Variants in ATXN1 observed in about 807,000 individuals in gnomAD.
The protein encoded by ATXN1 is ataxin 1.
ATXN1 carries 8 observed loss-of-function variants against 56.4 expected under a neutral mutation model. The observed-to-expected ratio is 0.14, with a 90% CI of 0.08 to 0.26. The LOEUF is 0.26. ATXN1 is among the 10% of genes least tolerant of loss of function. The pLI, the probability that ATXN1 is intolerant of heterozygous loss-of-function variation, is 1.00. For synonymous variants in ATXN1, 514 were observed against 494.6 expected (o/e 1.04, Z -0.52); for missense variants, 987 against 1,106.5 (o/e 0.89, Z 1.53).
chr6:16,492,211 G>A (rs1402222623), intron 5 of ATXN1, among the ~76,000 whole-genome samples: 2 of 151,826 alleles, frequency 1.3e-5, no homozygotes, highest in African/African-American at 2.4e-5. Context: ...TGTTATAGGT[G>A]GGAATTGAAC....
At chr6:16,316,865 CTTTTTTTTTTTTTT>C (rs375359789) in intron 7 of ATXN1, among the ~76,000 whole-genome samples, 10 of 99,500 alleles carry the variant, frequency 1.0e-4, no homozygotes, top group Non-Finnish European at 1.8e-4. Flanking sequence ...GACTGCCTGT[CTTTTTTTTTTTTTT>C]TTTTTTTTTT....
chr6:16,433,796 C>T (rs918637677), intron 6 of ATXN1, among the ~76,000 whole-genome samples: 3 of 152,228 alleles, frequency 2.0e-5, no homozygotes, highest in African/African-American at 7.2e-5. Flanking sequence ...AGTCTGCAGA[C>T]CTGGGTCTCA....
At chr6:16,429,424 CGT>C (rs1491324301) in intron 6 of ATXN1, among the ~76,000 whole-genome samples, 68 of 95,408 alleles carry the variant, frequency 7.1e-4, no homozygotes, top group African/African-American at 2.6e-3. Flanking sequence ...ATTTTTTGTT[CGT>C]TTTTTTTTTT....
intron 3 of ATXN1, among the ~76,000 whole-genome samples, chr6:16,619,320 A>T (rs1401045178): frequency 6.6e-6 from 1 of 152,216 alleles, no homozygotes; most frequent in Non-Finnish European, 1.5e-5. Flanking sequence ...GATGTTGAAA[A>T]AAGATATATA....
At chr6:16,704,897 C>A (rs369957077) in intron 2 of ATXN1, among the ~76,000 whole-genome samples, 2 of 152,192 alleles carry the variant, frequency 1.3e-5, no homozygotes, top group Non-Finnish European at 2.9e-5. Flanking sequence ...AAGCACTCAG[C>A]GAGGGGGAGG....
Position 16,301,142 on chromosome 6 carries a change from T to TCAAA in ATXN1, c.*5183_*5186dup, listed in dbSNP as rs995211523. ...CATTGTTTCAACAGAGCCATATCTT[T>TCAAA]CAAACACTGAATGAATCATTTCGAC... On this transcript the variant is annotated 3_prime_UTR_variant, in exon 8 of 8. Transcript: ENST00000436367. The TCAAA allele has an allele frequency of 1.0e-4, 16 of 152,498 alleles. No individual in the cohort carries two copies. The highest frequency in any genetic ancestry group is 6.5e-4 in the Admixed American group (10 of 15,274). 9.4% of individuals were successfully genotyped at this position (152,498 alleles called of 1,614,324 possible).
At position 16,643,647 on chromosome 6, in the gene ATXN1, A is replaced by G. The variant is rs532190310; in HGVS notation, c.-489+14129T>C. On this transcript the variant is annotated intron_variant, in intron 3 of 7. Transcript: ENST00000436367. ...CCTGCCAAAAAAAAAAAAAAAAAAA[A>G]AGAGAAGAGAAGAACGCAGGACTAT... 6.5e-3 allele frequency among the ~76,000 whole-genome samples: 987 copies of G among 151,336 alleles called. 10 individuals carry two copies. The highest frequency in any genetic ancestry group is 0.021 in the African/African-American group (883 of 41,120).
At position 16,328,508 on chromosome 6, in the gene ATXN1, A is replaced by G; in HGVS notation, c.-160-38T>C. 1 of 1,002,394 alleles carries G rather than the reference A, an allele frequency of 1.0e-6. No homozygotes were observed. Among genetic ancestry groups the G allele is most frequent in the Non-Finnish European group, 1.3e-6 (1 of 759,716 alleles). 62.1% of individuals were successfully genotyped at this position (1,002,394 alleles called of 1,614,324 possible). A position where few individuals can be genotyped will look rare whatever the true frequency, so the allele number is the denominator to read the frequency against. On this transcript the variant is annotated intron_variant, in intron 6 of 7. Coordinates refer to ENST00000436367, the MANE Select transcript of ATXN1 (RefSeq NM_001128164.2). The surrounding 1 kb of genome is among the most constrained non-coding windows in gnomAD (Gnocchi z 6.2). ...AGAGGGCAGTGACAAAGGGAAAAGG[A>G]AAGGGAGGAGAAAGGGAAGGAGGGA...
intron 6 of ATXN1, among the ~76,000 whole-genome samples, chr6:16,363,013 T>C (rs1761844426): frequency 1.3e-5 from 2 of 152,214 alleles, no homozygotes; most frequent in Admixed American, 6.5e-5. Flanking sequence ...CGATATAATC[T>C]ATATGTATGC....
rs1761902639 is a variant in ATXN1 at position 16,550,598 on chromosome 6, A to G, written c.-360-27910T>C. On this transcript the variant is annotated intron_variant, in intron 4 of 7. Coordinates refer to ENST00000436367, the MANE Select transcript of ATXN1 (RefSeq NM_001128164.2). ...TATAATTACTTAACAACCCTAATAA[A>G]TAGTAACATAATTATTCCCAATTTA... 2.0e-5 allele frequency among the ~76,000 whole-genome samples: 3 copies of G among 152,240 alleles called. No individual in the cohort carries two copies. In the South Asian group the frequency reaches 6.2e-4, roughly 32 times the overall value.
At chr6:16,698,492 T>C (rs1164799883) in intron 2 of ATXN1, among the ~76,000 whole-genome samples, 2 of 152,166 alleles carry the variant, frequency 1.3e-5, no homozygotes, top group Non-Finnish European at 2.9e-5. Context: ...CATGCAGTCA[T>C]TAAAGACTGT....
chr6:16,720,885 G>C (rs1759732647), intron 2 of ATXN1, among the ~76,000 whole-genome samples: 1 of 152,208 alleles, frequency 6.6e-6, no homozygotes. Flanking sequence ...TATTTCTTTA[G>C]ATGCTGTTCA....
intron 5 of ATXN1, among the ~76,000 whole-genome samples, chr6:16,509,794 T>G (rs148005463): frequency 6.6e-6 from 1 of 152,298 alleles, no homozygotes; most frequent in Non-Finnish European, 1.5e-5. Flanking sequence ...AGTCCAGAGT[T>G]TCCATCCCAG....
intron 6 of ATXN1, among the ~76,000 whole-genome samples, chr6:16,348,854 G>T (rs936365525): frequency 5.3e-5 from 8 of 152,158 alleles, no homozygotes; most frequent in African/African-American, 1.9e-4. Context: ...TACCTCCTAT[G>T]ACTGCTGCAG....
chr6:16,371,794 G>A (rs1762047712), intron 6 of ATXN1, among the ~76,000 whole-genome samples: 1 of 151,462 alleles, frequency 6.6e-6, no homozygotes, highest in Non-Finnish European at 1.5e-5. Flanking sequence ...ACCTAGGCTG[G>A]TCTCAAAATC....
At chr6:16,508,686 G>C (rs1166282102) in intron 5 of ATXN1, among the ~76,000 whole-genome samples, 1 of 152,176 alleles carries the variant, frequency 6.6e-6, no homozygotes, top group Non-Finnish European at 1.5e-5. Flanking sequence ...ATGCAAAGTG[G>C]TGCAGCCACT....
intron 4 of ATXN1, among the ~76,000 whole-genome samples, chr6:16,522,937 G>A: frequency 6.6e-6 from 1 of 152,226 alleles, no homozygotes; most frequent in Non-Finnish European, 1.5e-5. Flanking sequence ...ATCATGAGAT[G>A]TATGGTCCTT....
At chr6:16,651,407 G>A (rs1371336230) in intron 3 of ATXN1, among the ~76,000 whole-genome samples, 1 of 152,082 alleles carries the variant, frequency 6.6e-6, no homozygotes, top group Non-Finnish European at 1.5e-5. Context: ...AGCCAGGTGT[G>A]GTGGTGCGCA....
intron 6 of ATXN1, among the ~76,000 whole-genome samples, chr6:16,382,051 T>C (rs1398770891): frequency 6.6e-6 from 1 of 152,132 alleles, no homozygotes; most frequent in Non-Finnish European, 1.5e-5. Context: ...AACAAATTAA[T>C]AATTCATTTG....
Sources: allele counts gnomAD v4.1 joint callset (sites outside exome capture counted in the v4.1 genomes callset), GRCh38; gene constraint gnomAD v4.1.1; non-coding constraint Gnocchi (gnomAD v3.1); transcripts MANE v1.5; gene names NCBI Gene and HGNC (gene_info 2026-07-23, HGNC 2026-07-21).